Variants in CCAR2 observed in about 807,000 individuals in gnomAD.
The protein encoded by CCAR2 is cell cycle and apoptosis regulator 2.
CCAR2 carries 21 observed loss-of-function variants against 108.1 expected under a neutral mutation model. That is an observed-to-expected ratio of 0.19 (90% confidence interval 0.14 to 0.28). The LOEUF is 0.28. CCAR2 is among the 10% of genes least tolerant of loss of function. CCAR2 has a pLI of 1.00. For missense variants in CCAR2, 1,126 were observed against 1,177.0 expected (o/e 0.96, Z 0.63); for synonymous variants, 577 against 472.8 (o/e 1.22, Z -2.86).
chr8:22,613,671 T>A (rs1447377023), intron 8 of CCAR2, among the ~76,000 whole-genome samples: 1 of 152,222 alleles, frequency 6.6e-6, no homozygotes, highest in Non-Finnish European at 1.5e-5. Flanking sequence ...CATCTTTGTC[T>A]GTCTAGTTGG....
chr8:22,619,871 G>C lies in CCAR2; in HGVS notation c.*189G>C, dbSNP rs1299743597. On this transcript the variant is annotated 3_prime_UTR_variant, in exon 21 of 21. Transcript: ENST00000308511. ...GCTGTGCTATGTGGGATGGATGTGT[G>C]AGGAACCCCGGTTCCACTTAACAAC... The C allele has an allele frequency of 3.3e-6, 2 of 608,228 alleles. No homozygotes were observed. Among genetic ancestry groups the C allele is most frequent in the African/African-American group, 3.7e-5 (2 of 54,108 alleles). The allele number at this position is 608,228 out of a possible 1,614,324, so 37.7% of individuals were successfully genotyped here. A position where few individuals can be genotyped will look rare whatever the true frequency, so the allele number is the denominator to read the frequency against.
chr8:22,613,124 A>G lies in CCAR2; in HGVS notation c.692A>G (p.Tyr231Cys). 6.2e-7 allele frequency: 1 copy of G among 1,601,772 alleles called. No homozygotes were observed. Among genetic ancestry groups the G allele is most frequent in the Non-Finnish European group, 8.5e-7 (1 of 1,174,872 alleles). ...CCTTACCGGGTCCACCTCACTCCTT[A>G]CACTGTGGACAGGTGAGTGGCGAGG... ...LPPYRVHLTPYTVDSPICDFL... is the reference protein window; with the variant it reads ...LPPYRVHLTPCTVDSPICDFL... The change falls in exon 8 of 21, where the codon TAC becomes TGC. Residue 231 changes from tyrosine (Y) to cysteine (C), a missense_variant. By Grantham distance (194) the Tyr-to-Cys change is radical. Coordinates refer to ENST00000308511, the MANE Select transcript of CCAR2 (RefSeq NM_001393997.1).
intron 1 of CCAR2, 54 bp from the exon 2 acceptor site, chr8:22,605,682 T>C: frequency 9.4e-7 from 1 of 1,064,084 alleles, no homozygotes; most frequent in East Asian, 2.4e-5. Flanking sequence ...CTTTTCCGGG[T>C]ATAGATGGAA....
At chr8:22,619,407 A>G (rs1009378717) in intron 20 of CCAR2, 52 bp downstream of exon 20, 8 of 1,537,086 alleles carry the variant, frequency 5.2e-6, no homozygotes, top group East Asian at 4.9e-5. Flanking sequence ...CTGAGCTCCA[A>G]AAGTCCCCAG....
intron 1 of CCAR2, chr8:22,605,486 C>A: frequency 2.5e-6 from 1 of 396,100 alleles, no homozygotes. Flanking sequence ...CTCTGAGCAT[C>A]AGTTTCCTTG....
chr8:22,618,622 G>T lies in CCAR2; in HGVS notation c.2226G>T (p.Lys742Asn), dbSNP rs1325414591. 1.4e-5 allele frequency: 22 copies of T among 1,614,142 alleles called. No individual in the cohort carries two copies. Among genetic ancestry groups the T allele is most frequent in the Non-Finnish European group, 1.9e-5 (22 of 1,180,036 alleles). Reference sequence around the variant, plus strand: ...AGCAGATGTGTTTTCTGCAGGCCAAGCAGCTGGTCAGCAGGGTGGTGACCC... The same window carrying T: ...AGCAGATGTGTTTTCTGCAGGCCAATCAGCTGGTCAGCAGGGTGGTGACCC... ...LGIRLSAEQAKQLVSRVVTQN... is the reference protein window; with the variant it reads ...LGIRLSAEQANQLVSRVVTQN... Residue 742 changes from lysine (K) to asparagine (N), a missense_variant, in exon 18 of 21, where the codon AAG becomes AAT. Transcript: ENST00000308511.
intron 14 of CCAR2, among the ~76,000 whole-genome samples, 197 bp from the exon 15 acceptor site, chr8:22,617,223 A>T (rs1347522356): frequency 6.6e-6 from 1 of 152,114 alleles, no homozygotes; most frequent in Non-Finnish European, 1.5e-5. Context: ...TGAGGAAAAA[A>T]GCCCAGGTGT....
intron 8 of CCAR2, among the ~76,000 whole-genome samples, chr8:22,613,407 A>G (rs1801372445): frequency 6.7e-6 from 1 of 149,618 alleles, no homozygotes; most frequent in Non-Finnish European, 1.5e-5. Flanking sequence ...TGAATGGATG[A>G]ACATGATTTA....
chr8:22,617,268 AATGAAATTAAATAC>A (rs773745560), intron 14 of CCAR2, 138 bp from the exon 15 acceptor site: 8 of 890,828 alleles, frequency 9.0e-6, no homozygotes, highest in Non-Finnish European at 1.3e-5. Flanking sequence ...AATCCCACTT[AATGAAATTAAATAC>A]ATGAAATGAG....
chr8:22,618,875 C>T lies in CCAR2; in HGVS notation c.2381C>T (p.Ala794Val), dbSNP rs201038608. ...PPPGKSTKPG[A>V]APTEHKALVS... The stretch of plus-strand genomic sequence containing the variant: ...CCTGGGAAAAGCACGAAGCCAGGTG[C>T]TGCCCCCACAGAACACAAAGCCTTG... The change falls in exon 19 of 21, where the codon GCT becomes GTT. Residue 794 changes from alanine to valine, a missense_variant. Physicochemically the swap from Ala to Val is moderately conservative, Grantham distance 64. This residue lies in a region of CCAR2 where 1,013 missense variants were observed against 993.9 expected (regional missense o/e 1.02). Coordinates refer to ENST00000308511, the MANE Select transcript of CCAR2 (RefSeq NM_001393997.1). 3.1e-6 allele frequency: 5 copies of T among 1,613,914 alleles called. No individual in the cohort carries two copies. The highest frequency in any genetic ancestry group is 2.2e-5 in the East Asian group (1 of 44,892).
rs1255734570 is a variant in CCAR2, at chr8:22,605,592, A to G, written c.-38-144A>G. ...CTTGTTTCATTTCTTTCTTCTCTAT[A>G]TTCTCTCCATCCATTGCTTTCATTC... On this transcript the variant is annotated intron_variant, in intron 1 of 20. Coordinates refer to ENST00000308511, the MANE Select transcript of CCAR2 (RefSeq NM_001393997.1). 2.1e-5 allele frequency: 13 copies of G among 607,980 alleles called. No individual in the cohort carries two copies. The East Asian group carries it at 3.5e-4, about 16-fold the overall frequency. 37.7% of individuals were successfully genotyped at this position (607,980 alleles called of 1,614,324 possible).
intron 1 of CCAR2, 57 bp from the exon 2 acceptor site, chr8:22,605,679 G>A: frequency 9.8e-7 from 1 of 1,020,582 alleles, no homozygotes; most frequent in Non-Finnish European, 1.5e-6. Context: ...CCACTTTTCC[G>A]GGTATAGATG....
intron 1 of CCAR2, chr8:22,605,069 C>G (rs1801014125): frequency 1.1e-5 from 3 of 262,422 alleles, no homozygotes; most frequent in South Asian, 9.4e-5. Context: ...CTCGCCGCGG[C>G]TCTGCTGGGA....
At position 22,606,988 on chromosome 8, in the gene CCAR2, C is replaced by T. The variant is rs202095501; in HGVS notation, c.321C>T (p.Pro107=). ...KAAYNPGQAV[P]WNAVKVQTLS... is the part of the protein sequence containing the mutation. The stretch of plus-strand genomic sequence containing the variant: ...CATACAACCCAGGCCAGGCAGTGCC[C>T]TGGAATGCTGTCAAGGTGCAAACGC... Residue 107 remains proline, a synonymous_variant, in exon 5 of 21, where the codon CCC becomes CCT. Coordinates refer to ENST00000308511, the MANE Select transcript of CCAR2 (RefSeq NM_001393997.1). 1.9e-6 allele frequency: 3 copies of T among 1,614,152 alleles called. No homozygotes were observed. Among genetic ancestry groups the T allele is most frequent in the Admixed American group, 1.7e-5 (1 of 60,018 alleles).
At chr8:22,614,613 G>A in intron 10 of CCAR2, 110 bp downstream of exon 10, 1 of 1,109,566 alleles carries the variant, frequency 9.0e-7, no homozygotes, top group Non-Finnish European at 1.3e-6. Context: ...GCATCTCAGA[G>A]CCGAACACCC....
At chr8:22,615,067 C>T (rs144181468) in intron 11 of CCAR2, 66 bp downstream of exon 11, 5 of 1,461,418 alleles carry the variant, frequency 3.4e-6, no homozygotes, top group Non-Finnish European at 4.5e-6. Context: ...GTTGGGAAGG[C>T]CCGGTCCCTG....
intron 7 of CCAR2, among the ~76,000 whole-genome samples, chr8:22,612,369 G>A (rs1801318716): frequency 6.6e-6 from 1 of 151,994 alleles, no homozygotes; most frequent in South Asian, 2.1e-4. Flanking sequence ...CTGGGTTCAA[G>A]CGATTCTCCT....
intron 7 of CCAR2, among the ~76,000 whole-genome samples, chr8:22,609,155 ATCC>A (rs1315061734): frequency 6.7e-6 from 1 of 149,828 alleles, no homozygotes; most frequent in East Asian, 2.0e-4. Flanking sequence ...GGCACAAGCC[ATCC>A]TCCTGCCTCG....
rs1206068581 is a variant in CCAR2, at chr8:22,619,226, C to G, written c.2598C>G (p.Val866=). The G allele has an allele frequency of 6.3e-7, 1 of 1,576,340 alleles. No homozygotes were observed. Among genetic ancestry groups the G allele is most frequent in the Admixed American group, 1.9e-5 (1 of 53,150 alleles). The part of the protein sequence containing the change: ...TLAAEMQELR[V]RLAEAEETAR... ...CGGCAGAGATGCAGGAGCTGCGAGT[C>G]CGGCTGGCGGAGGCCGAGGAGACCG... Residue 866 remains valine (V), a synonymous_variant, in exon 20 of 21, where the codon GTC becomes GTG. Coordinates refer to ENST00000308511, the MANE Select transcript of CCAR2 (RefSeq NM_001393997.1).
Sources: gnomAD v4.1 joint callset for allele counts (sites outside exome capture counted in the v4.1 genomes callset) on GRCh38, gnomAD v4.1.1 for gene constraint, gnomAD v4.1.1 regional missense constraint, MANE v1.5 for transcripts, NCBI Gene and HGNC (gene_info 2026-07-23, HGNC 2026-07-21) for gene names.